Variants in ERC1 observed in about 807,000 individuals in gnomAD.
The protein encoded by ERC1 is RAB6 interacting protein 2.
Under a neutral mutation model 132.0 loss-of-function variants are expected in ERC1, and 56 were observed. The observed-to-expected ratio is 0.42, with a 90% CI of 0.34 to 0.53. The LOEUF (loss-of-function observed/expected upper bound fraction) is 0.53, where lower values mean the gene tolerates loss of function less well. ERC1 is among the 20% of genes least tolerant of loss of function. The pLI is 0.03. For missense variants in ERC1, 1,202 were observed against 1,349.9 expected, an observed-to-expected ratio of 0.89 and a Z score of 1.72; for synonymous variants, 478 against 476.1, an observed-to-expected ratio of 1.00 and a Z score of -0.05.
intron 17 of ERC1, among the ~76,000 whole-genome samples, chr12:1,436,259 T>G (rs1565434280): frequency 6.6e-6 from 1 of 152,198 alleles, no homozygotes; most frequent in Non-Finnish European, 1.5e-5. Flanking sequence ...CTGGCCTGTC[T>G]TTGGGAGCCT....
At position 1,075,533 on chromosome 12, in the gene ERC1, A is replaced by C. The variant is rs1312213127; in HGVS notation, c.670-7631A>C. Among the ~76,000 whole-genome samples the C allele has an allele frequency of 3.3e-5, 5 of 152,288 alleles. No individual in the cohort carries two copies. The South Asian group carries it at 1.0e-3, about 32-fold the overall frequency. ...TGGTGAAACCCCGTCTCTACTAAAA[A>C]TACAAACATTAGCCAGGCGTGGTGG... is the stretch of plus-strand genomic sequence containing the variant. On this transcript the variant is annotated intron_variant, in intron 2 of 18. Transcript: ENST00000360905.
intron 8 of ERC1, among the ~76,000 whole-genome samples, chr12:1,177,134 G>A (rs1487175750): frequency 6.6e-6 from 1 of 152,184 alleles, no homozygotes; most frequent in African/African-American, 2.4e-5. Flanking sequence ...TTAGGGCCTT[G>A]TTCTGGATTA....
intron 15 of ERC1, among the ~76,000 whole-genome samples, chr12:1,344,456 A>T (rs1281564743): frequency 6.6e-6 from 1 of 152,206 alleles, no homozygotes; most frequent in Non-Finnish European, 1.5e-5. Flanking sequence ...CTGGAACCAC[A>T]TGAAGGCTTG....
intron 17 of ERC1, among the ~76,000 whole-genome samples, chr12:1,423,035 G>T (rs1465440392): frequency 6.6e-6 from 1 of 152,146 alleles, no homozygotes; most frequent in East Asian, 1.9e-4. Context: ...CAGCTCCAAT[G>T]CCCTGAGTTC....
intron 12 of ERC1, among the ~76,000 whole-genome samples, chr12:1,199,000 G>C (rs981026609): frequency 9.3e-6 from 1 of 107,290 alleles, no homozygotes; most frequent in African/African-American, 4.5e-5. Flanking sequence ...CTTCCCACCA[G>C]GCCCTACCTC....
intron 1 of ERC1, among the ~76,000 whole-genome samples, chr12:1,024,270 A>C (rs2154147164): frequency 6.6e-6 from 1 of 152,170 alleles, no homozygotes; most frequent in South Asian, 2.1e-4. Flanking sequence ...AGTCTCAGCT[A>C]CTCGGGTGGC....
intron 18 of ERC1, among the ~76,000 whole-genome samples, chr12:1,450,013 A>G (rs895847310): frequency 1.3e-5 from 2 of 152,208 alleles, no homozygotes; most frequent in Non-Finnish European, 2.9e-5. Context: ...CTTCAGGTAT[A>G]GTATTGGAAT....
At chr12:1,391,135 T>C (rs1174764672) in intron 16 of ERC1, 1 of 152,266 alleles carries the variant, frequency 6.6e-6, no homozygotes, top group African/African-American at 2.4e-5. Context: ...TGATTCTCAG[T>C]TGAAACCTGG....
intron 8 of ERC1, among the ~76,000 whole-genome samples, chr12:1,175,599 T>G (rs910960431): frequency 3.3e-5 from 5 of 151,472 alleles, no homozygotes; most frequent in Non-Finnish European, 7.4e-5. Context: ...AATGGCGTGA[T>G]CTTGGTTCAC....
intron 14 of ERC1, among the ~76,000 whole-genome samples, chr12:1,282,483 AC>A (rs988560327): frequency 2.6e-5 from 4 of 152,218 alleles, no homozygotes; most frequent in Non-Finnish European, 4.4e-5. Context: ...GTTATAAAAT[AC>A]TGTACTGCCG....
At chr12:1,206,731 T>TA (rs1566245570) in intron 12 of ERC1, among the ~76,000 whole-genome samples, 3 of 152,166 alleles carry the variant, frequency 2.0e-5, no homozygotes, top group Non-Finnish European at 4.4e-5. Context: ...ATGAGAGCTA[T>TA]AAATGTCATC....
intron 18 of ERC1, among the ~76,000 whole-genome samples, chr12:1,450,465 A>G (rs1397367465): frequency 3.3e-5 from 5 of 152,206 alleles, no homozygotes; most frequent in African/African-American, 1.2e-4. Flanking sequence ...CACCTTGTTT[A>G]AGGAAATGCT....
At chr12:1,048,531 G>A (rs1971431955) in intron 2 of ERC1, among the ~76,000 whole-genome samples, 1 of 152,140 alleles carries the variant, frequency 6.6e-6, no homozygotes, top group African/African-American at 2.4e-5. Flanking sequence ...TGGCATTTAT[G>A]GCAGGAAGTG....
At chr12:1,114,054 T>A (rs1459431361) in intron 6 of ERC1, among the ~76,000 whole-genome samples, 1 of 152,204 alleles carries the variant, frequency 6.6e-6, no homozygotes, top group Non-Finnish European at 1.5e-5. Flanking sequence ...AGACAGAGTC[T>A]TTCTCTGTCG....
Position 1,278,782 on chromosome 12 carries a change from T to TA in ERC1, c.2620-11063dup, listed in dbSNP as rs567874202. Among the ~76,000 whole-genome samples, 101 of 152,144 alleles carry TA rather than the reference T, an allele frequency of 6.6e-4. No homozygotes were observed. In the East Asian group the frequency reaches 0.017, roughly 25 times the overall value. ...ATTACCTTGTGTTTATCTTAAACAA[T>TA]AAAAAAAGCCTTAGAGTTTTAATAG... On this transcript the variant is annotated intron_variant, in intron 14 of 18. Transcript: ENST00000360905.
chr12:1,356,236 G>T (rs1175078886), intron 15 of ERC1, among the ~76,000 whole-genome samples: 1 of 150,238 alleles, frequency 6.7e-6, no homozygotes, highest in Non-Finnish European at 1.5e-5. Flanking sequence ...GTGTGTGTGT[G>T]TGTGTGTGTG....
At chr12:1,418,191 GAA>G (rs1408092690) in intron 17 of ERC1, among the ~76,000 whole-genome samples, 3 of 152,182 alleles carry the variant, frequency 2.0e-5, no homozygotes, top group Admixed American at 2.0e-4. Flanking sequence ...TTACAAGAGA[GAA>G]GAGAGTAAAT....
chr12:1,206,795 A>G (rs1382553482), intron 12 of ERC1, among the ~76,000 whole-genome samples: 1 of 152,098 alleles, frequency 6.6e-6, no homozygotes, highest in Non-Finnish European at 1.5e-5. Context: ...ATTAATATCT[A>G]TGTTTTAATT....
At chr12:1,472,540 C>T (rs1200078795) in intron 18 of ERC1, among the ~76,000 whole-genome samples, 1 of 151,874 alleles carries the variant, frequency 6.6e-6, no homozygotes, top group Admixed American at 6.6e-5. Context: ...GTCCCAGCCA[C>T]TCGGGAAGCT....
Sources: allele counts gnomAD v4.1 joint callset (sites outside exome capture counted in the v4.1 genomes callset), GRCh38; gene constraint gnomAD v4.1.1; transcripts MANE v1.5; gene names NCBI Gene and HGNC (gene_info 2026-07-23, HGNC 2026-07-21).